Variants in PLCB4 observed in about 807,000 individuals in gnomAD.
PLCB4 encodes the protein phospholipase C beta 4.
Under a neutral mutation model 178.8 loss-of-function variants are expected in PLCB4, and 77 were observed. That is an observed-to-expected ratio of 0.43 (90% confidence interval 0.36 to 0.52). The LOEUF (loss-of-function observed/expected upper bound fraction) is 0.52, where lower values mean the gene tolerates loss of function less well. PLCB4 is among the 20% of genes least tolerant of loss of function. The probability of loss-of-function intolerance (pLI) is 0.00; values close to 1 mark genes in which losing one functional copy is unlikely to be tolerated. For missense variants in PLCB4, 1,024 were observed against 1,453.4 expected (o/e 0.70, Z 4.80); for synonymous variants, 496 against 490.8 (o/e 1.01, Z -0.14).
At chr20:9,211,085 T>A (rs1241156315) in intron 2 of PLCB4, among the ~76,000 whole-genome samples, 1 of 152,176 alleles carries the variant, frequency 6.6e-6, no homozygotes, top group Non-Finnish European at 1.5e-5. Flanking sequence ...ACCCACTTTC[T>A]TTTTTTAACC....
At chr20:9,162,588 C>T (rs1170510337) in intron 2 of PLCB4, among the ~76,000 whole-genome samples, 7 of 152,188 alleles carry the variant, frequency 4.6e-5, no homozygotes, top group African/African-American at 1.7e-4. Context: ...GGAAACACAG[C>T]CTTCGTTCAT....
At chr20:9,169,031 T>C (rs1037876524) in intron 2 of PLCB4, among the ~76,000 whole-genome samples, 1 of 152,128 alleles carries the variant, frequency 6.6e-6, no homozygotes, top group African/African-American at 2.4e-5. Context: ...TTCTCCTGTC[T>C]GCCCTCATGT....
chr20:9,131,924 G>A (rs2092282099), intron 2 of PLCB4, among the ~76,000 whole-genome samples: 2 of 152,066 alleles, frequency 1.3e-5, no homozygotes. Flanking sequence ...ACTATTAAGT[G>A]ATTGGCCACA....
At chr20:9,271,891 A>T (rs2094406743) in intron 3 of PLCB4, among the ~76,000 whole-genome samples, 1 of 151,936 alleles carries the variant, frequency 6.6e-6, no homozygotes, top group Non-Finnish European at 1.5e-5. Flanking sequence ...AGAAGGCATC[A>T]TGGGGCTGGG....
chr20:9,169,648 A>G (rs1444898066), intron 2 of PLCB4, among the ~76,000 whole-genome samples: 1 of 152,028 alleles, frequency 6.6e-6, no homozygotes, highest in Non-Finnish European at 1.5e-5. Context: ...TCTAGATACC[A>G]TGTGAATTGA....
intron 25 of PLCB4, among the ~76,000 whole-genome samples, chr20:9,416,265 A>T (rs1023523607): frequency 1.3e-5 from 2 of 152,094 alleles, no homozygotes; most frequent in African/African-American, 4.8e-5. Context: ...TGTCATTGTG[A>T]TCCCGTTTCT....
At chr20:9,175,017 G>A (rs899299510) in intron 2 of PLCB4, among the ~76,000 whole-genome samples, 4 of 152,070 alleles carry the variant, frequency 2.6e-5, no homozygotes, top group Non-Finnish European at 5.9e-5. Flanking sequence ...TTTCTTTTTA[G>A]TTGATTCATA....
At position 9,407,996 on chromosome 20, in the gene PLCB4, A is replaced by G. The variant is rs1171422274; in HGVS notation, c.1727A>G (p.Tyr576Cys). ...GGTGCTACCACTAATATCCATCCATATTTGTCCACAATGATCAACTACGCC... is the reference window on the plus strand; with the variant it reads ...GGTGCTACCACTAATATCCATCCATGTTTGTCCACAATGATCAACTACGCC... Reference protein sequence around the residue: ...YVGATTNIHPYLSTMINYAQP... With the variant: ...YVGATTNIHPCLSTMINYAQP... Residue 576 changes from tyrosine to cysteine, a missense_variant, in exon 22 of 40, where the codon TAT (tyrosine) becomes TGT (cysteine). Transcript: ENST00000378473. 6.2e-7 allele frequency: 1 copy of G among 1,613,386 alleles called. No homozygotes were observed. Among genetic ancestry groups the G allele is most frequent in the Non-Finnish European group, 8.5e-7 (1 of 1,179,286 alleles).
chr20:9,098,109 A>T (rs984468393), intron 2 of PLCB4, among the ~76,000 whole-genome samples: 4 of 152,164 alleles, frequency 2.6e-5, no homozygotes, highest in Admixed American at 2.0e-4. Context: ...TAGTTAAATA[A>T]ATGTTTTCTT....
chr20:9,095,995 G>A (rs2090897951), intron 1 of PLCB4, among the ~76,000 whole-genome samples: 1 of 151,914 alleles, frequency 6.6e-6, no homozygotes, highest in Non-Finnish European at 1.5e-5. Flanking sequence ...TGGGATAGAT[G>A]TGATGTAAAA....
At chr20:9,308,320 T>G (rs1258966032) in intron 4 of PLCB4, among the ~76,000 whole-genome samples, 2 of 152,230 alleles carry the variant, frequency 1.3e-5, no homozygotes, top group Non-Finnish European at 2.9e-5. Flanking sequence ...GCTCATTTCA[T>G]TGATATAAAC....
At chr20:9,089,867 A>G (rs1394788763) in intron 1 of PLCB4, among the ~76,000 whole-genome samples, 1 of 152,150 alleles carries the variant, frequency 6.6e-6, no homozygotes, top group Non-Finnish European at 1.5e-5. Flanking sequence ...GTGGACCTCA[A>G]TATTTCATTT....
intron 2 of PLCB4, among the ~76,000 whole-genome samples, chr20:9,213,001 G>T (rs2093688620): frequency 6.6e-6 from 1 of 151,880 alleles, no homozygotes; most frequent in South Asian, 2.1e-4. Flanking sequence ...ATCCCATGCT[G>T]CTCCTCTAGT....
intron 3 of PLCB4, among the ~76,000 whole-genome samples, chr20:9,295,132 C>T (rs2094619073): frequency 6.6e-6 from 1 of 152,088 alleles, no homozygotes; most frequent in African/African-American, 2.4e-5. Context: ...AATCTGTGAC[C>T]TCTACCTAAA....
rs115069259 is a variant in PLCB4, at chr20:9,356,579, T to C, written c.370-6317T>C. ...CTATCTTAGACAAGATTAGATCCTG[T>C]GGCAATCTTTATTTGAAAAGCTTCA... On this transcript the variant is annotated intron_variant, in intron 7 of 39. Coordinates refer to ENST00000378473, the MANE Select transcript of PLCB4 (RefSeq NM_001377142.1). Among the ~76,000 whole-genome samples, 1,327 of 152,340 alleles carry C rather than the reference T, an allele frequency of 8.7e-3. 14 individuals carry two copies. The highest frequency in any genetic ancestry group is 0.03 in the African/African-American group (1,246 of 41,568).
chr20:9,263,474 A>G (rs1311170557), intron 3 of PLCB4, among the ~76,000 whole-genome samples: 1 of 152,166 alleles, frequency 6.6e-6, no homozygotes, highest in Non-Finnish European at 1.5e-5. Flanking sequence ...AGCTTGTTAG[A>G]AATGCAGACT....
chr20:9,279,887 T>C (rs954344242), intron 3 of PLCB4, among the ~76,000 whole-genome samples: 4 of 152,098 alleles, frequency 2.6e-5, no homozygotes, highest in Non-Finnish European at 4.4e-5. Context: ...ACCCACGTTA[T>C]GAAAATCTCT....
At chr20:9,074,805 TTTAAACAAAACA>T (rs1167822748) in intron 1 of PLCB4, among the ~76,000 whole-genome samples, 22 of 100,172 alleles carry the variant, frequency 2.2e-4, no homozygotes, top group Admixed American at 6.5e-4. Flanking sequence ...TTTTTTTTTT[TTTAAACAAAACA>T]AAACAAAACA....
intron 3 of PLCB4, among the ~76,000 whole-genome samples, chr20:9,296,952 T>C (rs2147801077): frequency 6.6e-6 from 1 of 152,242 alleles, no homozygotes; most frequent in East Asian, 1.9e-4. Flanking sequence ...GGCACATGTA[T>C]ACATATGTAA....
Sources: allele counts gnomAD v4.1 joint callset (sites outside exome capture counted in the v4.1 genomes callset), GRCh38; gene constraint gnomAD v4.1.1; transcripts MANE v1.5; gene names NCBI Gene and HGNC (gene_info 2026-07-23, HGNC 2026-07-21).